TENM2: variants seen among roughly 807,000 people sequenced by gnomAD.
The protein encoded by TENM2 is teneurin-2.
Under a neutral mutation model 245.2 loss-of-function variants are expected in TENM2, and 52 were observed. The ratio of observed to expected loss-of-function variants is 0.21; its 90% CI spans 0.17 to 0.27. TENM2 has a LOEUF of 0.27. TENM2 is among the 10% of genes least tolerant of loss of function. The pLI, the probability that TENM2 is intolerant of heterozygous loss-of-function variation, is 1.00. For missense variants in TENM2, 3,046 were observed against 3,666.8 expected, an observed-to-expected ratio of 0.83 and a Z score of 4.37; for synonymous variants, 1,363 against 1,438.9, an observed-to-expected ratio of 0.95 and a Z score of 1.19.
At chr5:168,220,398 C>G (rs771785294) in intron 23 of TENM2, among the ~76,000 whole-genome samples, 17 of 152,142 alleles carry the variant, frequency 1.1e-4, no homozygotes, top group Non-Finnish European at 1.2e-4. Flanking sequence ...CAGATCTGAA[C>G]TCTAAAAGGG....
chr5:168,121,126 C>CT (rs776869929), intron 10 of TENM2, among the ~76,000 whole-genome samples: 16 of 152,258 alleles, frequency 1.1e-4, no homozygotes, highest in Non-Finnish European at 1.9e-4. Context: ...CCTTGACCTC[C>CT]TTTTTTATCC....
At chr5:167,821,552 A>T (rs563864416) in intron 2 of TENM2, among the ~76,000 whole-genome samples, 1 of 152,300 alleles carries the variant, frequency 6.6e-6, no homozygotes, top group Admixed American at 6.5e-5. Flanking sequence ...AGCACACTAA[A>T]ATTTACTTGA....
In TENM2 at chr5:167,503,253, T is replaced by A. The variant is rs1769327836; in HGVS notation, c.502+127780T>A. ...CAAAATCTTTACAATCATTATATATTTTTTTAAATTGGAAGCACATAAAGA... is the reference window on the plus strand; with the variant it reads ...CAAAATCTTTACAATCATTATATATATTTTTAAATTGGAAGCACATAAAGA... On this transcript the variant is annotated intron_variant, in intron 2 of 28. Transcript: ENST00000518659. Among the ~76,000 whole-genome samples, 6 of 152,326 alleles carry A rather than the reference T, an allele frequency of 3.9e-5. No homozygotes were observed. In the South Asian group the frequency reaches 1.0e-3, roughly 26 times the overall value.
chr5:167,648,509 C>G (rs1043200497), intron 2 of TENM2, among the ~76,000 whole-genome samples: 1 of 152,236 alleles, frequency 6.6e-6, no homozygotes, highest in Non-Finnish European at 1.5e-5. Context: ...CTAGATCATC[C>G]TAGAAAATCT....
At chr5:167,460,624 T>C (rs1864975) in intron 2 of TENM2, among the ~76,000 whole-genome samples, 65,999 of 151,346 alleles carry the variant, frequency 0.44, 14,703 homozygotes, top group Middle Eastern at 0.52. Flanking sequence ...TTCTCCCTTC[T>C]GCTGAATATA....
intron 12 of TENM2, among the ~76,000 whole-genome samples, chr5:168,150,375 T>C (rs1045518319): frequency 6.6e-6 from 1 of 152,192 alleles, no homozygotes; most frequent in Non-Finnish European, 1.5e-5. Flanking sequence ...CACACTGAAC[T>C]CAAGGATTAG....
chr5:168,104,230 T>C (rs1005063283), intron 9 of TENM2, among the ~76,000 whole-genome samples: 1 of 152,104 alleles, frequency 6.6e-6, no homozygotes, highest in Non-Finnish European at 1.5e-5. Flanking sequence ...GGTTTCACCA[T>C]GTCAGCCAGG....
chr5:168,229,027 A>C, intron 25 of TENM2, among the ~76,000 whole-genome samples: 1 of 148,074 alleles, frequency 6.8e-6, no homozygotes, highest in Middle Eastern at 3.6e-3. Context: ...ATAATAATAT[A>C]CATTACATTA....
intron 1 of TENM2, among the ~76,000 whole-genome samples, chr5:167,337,123 C>CAAAAAAAAAAAAAAAAAAAAAAAAA (rs71591174): frequency 1.8e-5 from 1 of 56,668 alleles, no homozygotes; most frequent in Non-Finnish European, 2.8e-5. Flanking sequence ...GACTCCGTCT[C>CAAAAAAAAAAAAAAAAAAAAAAAAA]AAAAAAAAAA....
At chr5:166,981,617 C>T in the TENM2 span, among the ~76,000 whole-genome samples, 504 of 152,216 alleles carry the variant, frequency 3.3e-3, 17 homozygotes, top group South Asian at 0.045. Flanking sequence ...TTTTGCTAGG[C>T]TCGTGGGGCA....
the TENM2 span, among the ~76,000 whole-genome samples, chr5:167,055,383 C>G: frequency 1.3e-5 from 2 of 152,176 alleles, no homozygotes; most frequent in Middle Eastern, 3.4e-3. Flanking sequence ...GTTATTTATT[C>G]TGTCCCATTG....
the TENM2 span, among the ~76,000 whole-genome samples, chr5:167,193,024 G>T: frequency 2.6e-5 from 4 of 151,990 alleles, no homozygotes; most frequent in Non-Finnish European, 5.9e-5. Context: ...ACCTGCATTT[G>T]AATCTGCATT....
intron 5 of TENM2, among the ~76,000 whole-genome samples, chr5:168,019,756 G>A (rs1165469433): frequency 6.6e-6 from 1 of 152,232 alleles, no homozygotes; most frequent in Non-Finnish European, 1.5e-5. Flanking sequence ...TTATTTTCAT[G>A]CATGTAATGA....
intron 2 of TENM2, among the ~76,000 whole-genome samples, chr5:167,445,337 A>ATATATATATATATATATATAGT: frequency 1.3e-5 from 1 of 76,626 alleles, no homozygotes; most frequent in South Asian, 5.1e-4. Context: ...ATATATATAT[A>ATATATATATATATATATATAGT]GAGAGAGAGA....
At chr5:168,243,404 C>T (rs1324909843) in intron 25 of TENM2, among the ~76,000 whole-genome samples, 1 of 152,192 alleles carries the variant, frequency 6.6e-6, no homozygotes, top group Non-Finnish European at 1.5e-5. Context: ...TCCCCTAGCC[C>T]TGCTGAGGCC....
rs1788263142 is a variant in TENM2, at chr5:168,042,342, AAC to A, written c.1187-5081_1187-5080del. 2.0e-5 allele frequency among the ~76,000 whole-genome samples: 3 copies of A among 152,156 alleles called. No individual in the cohort carries two copies. In the South Asian group the frequency reaches 6.2e-4, roughly 32 times the overall value. ...CCTGCTCCTGGGGGCCTGCTCGGCA[AAC>A]ACAGAGCATCCGTGGCCTCCATGTT... is the stretch of plus-strand genomic sequence containing the variant. On this transcript the variant is annotated intron_variant, in intron 5 of 28. Coordinates refer to ENST00000518659, the Ensembl canonical transcript of TENM2.
At chr5:167,118,352 G>A in the TENM2 span, among the ~76,000 whole-genome samples, 5 of 152,070 alleles carry the variant, frequency 3.3e-5, no homozygotes, top group Admixed American at 2.6e-4. Flanking sequence ...AGCTTGCACT[G>A]AAATAGAAAA....
chr5:167,387,112 G>A (rs1014625454), intron 2 of TENM2, among the ~76,000 whole-genome samples: 3 of 151,994 alleles, frequency 2.0e-5, no homozygotes, highest in African/African-American at 7.2e-5. Context: ...TGGTCGTTTT[G>A]TAATATTGAT....
At chr5:167,037,448 T>C in the TENM2 span, among the ~76,000 whole-genome samples, 1 of 152,240 alleles carries the variant, frequency 6.6e-6, no homozygotes, top group Non-Finnish European at 1.5e-5. Context: ...GATTTTTGTT[T>C]CTTAACTTCT....
Sources: gnomAD v4.1 joint callset for allele counts (sites outside exome capture counted in the v4.1 genomes callset) on GRCh38, gnomAD v4.1.1 for gene constraint, MANE v1.5 for transcripts, NCBI Gene and HGNC (gene_info 2026-07-23, HGNC 2026-07-21) for gene names.